SND1: variants seen among roughly 807,000 people sequenced by gnomAD.
The protein encoded by SND1 is staphylococcal nuclease and tudor domain containing 1.
A neutral mutation model predicts 121.7 loss-of-function variants in SND1; 38 were observed. That is an observed-to-expected ratio of 0.31 (90% CI 0.24 to 0.41). SND1 has a LOEUF of 0.41. Ranked by LOEUF, SND1 falls within the 10% of genes least tolerant of loss-of-function variation. The pLI, the probability that SND1 is intolerant of heterozygous loss-of-function variation, is 1.00. For synonymous variants in SND1, 401 were observed against 447.4 expected (o/e 0.90, Z 1.31); for missense variants, 868 against 1,184.6 (o/e 0.73, Z 3.92).
chr7:128,089,862 A>G lies in SND1; in HGVS notation c.2622+170A>G. The G allele has an allele frequency of 4.7e-6, 3 of 642,456 alleles. No homozygotes were observed. The South Asian group carries it at 5.9e-5, about 13-fold the overall frequency. 39.8% of individuals were successfully genotyped at this position (642,456 alleles called of 1,614,324 possible). On this transcript the variant is annotated intron_variant, in intron 22 of 23. Coordinates refer to ENST00000354725, the MANE Select transcript of SND1 (RefSeq NM_014390.4). ...TTTTTTTGTTTTTGTTTTAAAGCTA[A>G]TTACATCCCAAATTAATTGGCTGCG... is the stretch of plus-strand genomic sequence containing the variant.
At chr7:127,885,350 T>C (rs576619802) in intron 12 of SND1, among the ~76,000 whole-genome samples, 196 of 152,286 alleles carry the variant, frequency 1.3e-3, no homozygotes, top group African/African-American at 4.4e-3. Context: ...TCATTTCATG[T>C]ATTTTTACTC....
At chr7:127,809,082 G>A (rs770247190) in intron 11 of SND1, among the ~76,000 whole-genome samples, 3 of 152,222 alleles carry the variant, frequency 2.0e-5, no homozygotes, top group Non-Finnish European at 2.9e-5. Context: ...TGCAGCAGCT[G>A]CTAATGGCCT....
At chr7:127,653,898 C>T (rs918521052) in intron 1 of SND1, among the ~76,000 whole-genome samples, 3 of 152,134 alleles carry the variant, frequency 2.0e-5, no homozygotes, top group Non-Finnish European at 2.9e-5. Flanking sequence ...TATATTTTTC[C>T]TCTGAAATAC....
intron 11 of SND1, among the ~76,000 whole-genome samples, chr7:127,827,919 C>T (rs570931224): frequency 1.3e-5 from 2 of 151,428 alleles, no homozygotes; most frequent in East Asian, 3.9e-4. Context: ...TTCCTTAATA[C>T]ATTTATTTGC....
rs759070474 is a variant in SND1 at position 127,913,238 on chromosome 7, C to T, written c.1527+8419C>T. Among the ~76,000 whole-genome samples the T allele has an allele frequency of 2.0e-4, 30 of 152,268 alleles. 1 individual carries two copies. The highest frequency in any genetic ancestry group is 3.7e-4 in the Non-Finnish European group (25 of 68,018). On this transcript the variant is annotated intron_variant, in intron 14 of 23. Transcript: ENST00000354725. ...AGTATAATCAGTAGCATGTCACTGT[C>T]GTGGATTCTATTATCAGGAAACTTT... is the stretch of plus-strand genomic sequence containing the variant.
rs372106633 is a variant in SND1 at position 128,084,720 on chromosome 7, G to A, written c.2111-4G>A. The stretch of plus-strand genomic sequence containing the variant: ...GGTCTCACTGTGCTCTTCCTCCCTG[G>A]CAGGCACCCAGTTGGAGAAGCTGAT... On this transcript the variant is annotated splice_polypyrimidine_tract_variant and splice_region_variant and intron_variant, in intron 18 of 23. Transcript: ENST00000354725. 6.2e-7 allele frequency: 1 copy of A among 1,603,562 alleles called. No homozygotes were observed. The highest frequency in any genetic ancestry group is 8.5e-7 in the Non-Finnish European group (1 of 1,173,342).
chr7:127,771,763 C>T (rs971548623), intron 10 of SND1, among the ~76,000 whole-genome samples: 2 of 152,102 alleles, frequency 1.3e-5, no homozygotes, highest in African/African-American at 2.4e-5. Context: ...GATATTTTGT[C>T]TTAAAAAAGT....
At chr7:127,769,889 A>T (rs549364375) in intron 10 of SND1, among the ~76,000 whole-genome samples, 7 of 152,266 alleles carry the variant, frequency 4.6e-5, no homozygotes, top group African/African-American at 1.7e-4. Context: ...TCAGCGTGTA[A>T]TGAATTAAAT....
intron 10 of SND1, among the ~76,000 whole-genome samples, chr7:127,747,126 G>A (rs554113032): frequency 6.6e-6 from 1 of 152,326 alleles, no homozygotes; most frequent in East Asian, 1.9e-4. Context: ...GTTAGAATTT[G>A]TATGTAGAAA....
intron 16 of SND1, among the ~76,000 whole-genome samples, chr7:128,019,236 C>G (rs1006735951): frequency 6.6e-6 from 1 of 152,178 alleles, no homozygotes; most frequent in East Asian, 1.9e-4. Context: ...CCTCTCAGTC[C>G]GCCTTTTCTG....
chr7:128,042,350 G>A (rs940809680), intron 16 of SND1: 2 of 152,236 alleles, frequency 1.3e-5, no homozygotes, highest in Non-Finnish European at 2.9e-5. Context: ...TGGGATCCCA[G>A]ATAACACTGA....
intron 16 of SND1, among the ~76,000 whole-genome samples, chr7:128,054,075 C>T (rs1793094885): frequency 6.6e-6 from 1 of 152,244 alleles, no homozygotes; most frequent in South Asian, 2.1e-4. Flanking sequence ...GTCAGTAAGT[C>T]ATCGGCAGTA....
intron 10 of SND1, among the ~76,000 whole-genome samples, chr7:127,799,556 A>G (rs1328506034): frequency 6.6e-6 from 1 of 152,240 alleles, no homozygotes; most frequent in Non-Finnish European, 1.5e-5. Context: ...TGAAACACTT[A>G]AGGGAGGTAG....
chr7:127,701,050 C>A, intron 4 of SND1, 113 bp from the exon 5 acceptor site: 1 of 1,166,024 alleles, frequency 8.6e-7, no homozygotes. Context: ...AGATCTGAAA[C>A]AGACCTTTGT....
chr7:127,776,377 T>C (rs1797620427), intron 10 of SND1, among the ~76,000 whole-genome samples: 1 of 152,100 alleles, frequency 6.6e-6, no homozygotes, highest in African/African-American at 2.4e-5. Context: ...AAGAAAGACA[T>C]TAAGTCCAGC....
chr7:127,898,425 A>G (rs1800161002), intron 13 of SND1, among the ~76,000 whole-genome samples: 3 of 152,096 alleles, frequency 2.0e-5, no homozygotes, highest in Non-Finnish European at 2.9e-5. Flanking sequence ...ACCATTCTGC[A>G]CCTGCTCCTG....
At chr7:127,662,511 A>AAAAGTG (rs1405565665) in intron 1 of SND1, among the ~76,000 whole-genome samples, 3 of 152,206 alleles carry the variant, frequency 2.0e-5, no homozygotes, top group Non-Finnish European at 2.9e-5. Context: ...GATAGATTCT[A>AAAAGTG]AAAGTGCAGC....
chr7:128,048,810 A>G (rs1396201839), intron 16 of SND1, among the ~76,000 whole-genome samples: 2 of 152,178 alleles, frequency 1.3e-5, no homozygotes, highest in Admixed American at 6.5e-5. Flanking sequence ...TCAGTTCTCC[A>G]AATAAAATAT....
chr7:128,002,725 A>G (rs946580611), intron 16 of SND1, among the ~76,000 whole-genome samples: 1 of 152,166 alleles, frequency 6.6e-6, no homozygotes, highest in Non-Finnish European at 1.5e-5. Context: ...AAAATGAGGG[A>G]TACGGGTATG....
Sources: allele counts gnomAD v4.1 joint callset (sites outside exome capture counted in the v4.1 genomes callset), GRCh38; gene constraint gnomAD v4.1.1; transcripts MANE v1.5; gene names NCBI Gene and HGNC (gene_info 2026-07-23, HGNC 2026-07-21).